Variants in PDHA1 observed in about 807,000 individuals in gnomAD.
The protein encoded by PDHA1 is pyruvate dehydrogenase E1 subunit alpha 1, also known as pyruvate dehydrogenase E1 component subunit alpha, somatic form, mitochondrial.
A neutral mutation model predicts 33.0 loss-of-function variants in PDHA1; 1 was observed. The observed-to-expected ratio is 0.03, with a 90% CI of 0.01 to 0.14. The LOEUF (loss-of-function observed/expected upper bound fraction) is 0.14, where lower values mean the gene tolerates loss of function less well. Among genes scored for constraint, PDHA1 ranks in the 10% least tolerant of loss-of-function variants. The pLI, the probability that PDHA1 is intolerant of heterozygous loss-of-function variation, is 1.00. For missense variants in PDHA1, 168 were observed against 325.1 expected (o/e 0.52, Z 3.72); for synonymous variants, 123 against 119.2 (o/e 1.03, Z -0.21).
Position 19,359,148 on chromosome X carries a change from C to CATAG in PDHA1, c.1008+125_1008+128dup, listed in dbSNP as rs750578475. ...TGATGTCCTGGGACATAAATAGTTC[C>CATAG]ATAGTTCCAAAGTCCCTTGGGGTGG... On this transcript the variant is annotated intron_variant, in intron 10 of 10. Coordinates refer to ENST00000422285, the MANE Select transcript of PDHA1 (RefSeq NM_000284.4). 1.4e-3 allele frequency: 713 copies of CATAG among 515,463 alleles called. 3 individuals are homozygous for CATAG. The African/African-American group carries it at 0.014, about 10-fold the overall frequency. The allele number at this position is 515,463 out of a possible 1,213,427, so 42.5% of individuals were successfully genotyped here.
At position 19,361,554 on chromosome X, in the gene PDHA1, G is replaced by A; in HGVS notation, c.*1901G>A. ...CAACCAGTCTATAAGCTCTTTATCT[G>A]TTCTCTGCCCGTAGGGGCCTGCTGG... On this transcript the variant is annotated 3_prime_UTR_variant, in exon 11 of 11. Coordinates refer to ENST00000422285, the MANE Select transcript of PDHA1 (RefSeq NM_000284.4). The A allele has an allele frequency of 1.7e-6, 2 of 1,211,050 alleles. No homozygotes were observed. Among genetic ancestry groups the A allele is most frequent in the Non-Finnish European group, 1.1e-6 (1 of 894,811 alleles).
At chrX:19,355,219 C>T in intron 6 of PDHA1, 130 bp from the exon 7 acceptor site, 3 of 794,927 alleles carry the variant, frequency 3.8e-6, no homozygotes, top group East Asian at 3.2e-5. Context: ...CCACCCAAAG[C>T]TCGGTTTTAG....
At chrX:19,349,211 T>C in intron 1 of PDHA1, 101 bp from the exon 2 acceptor site, 1 of 594,485 alleles carries the variant, frequency 1.7e-6, no homozygotes, top group Non-Finnish European at 2.9e-6. Flanking sequence ...TTGGGGCTTA[T>C]TAAATTTCCA....
Position 19,359,801 on chromosome X carries a change from A to G in PDHA1, c.*148A>G, listed in dbSNP as rs1275136315. The G allele has an allele frequency of 2.4e-5, 13 of 536,465 alleles. No individual in the cohort carries two copies. The Admixed American group carries it at 3.2e-4, about 13-fold the overall frequency. The allele number at this position is 536,465 out of a possible 1,213,427, so 44.2% of individuals were successfully genotyped here. On this transcript the variant is annotated 3_prime_UTR_variant, in exon 11 of 11. Coordinates refer to ENST00000422285, the MANE Select transcript of PDHA1 (RefSeq NM_000284.4). ...TGTAGATTGAGCAGGTAGTAATTGC[A>G]TGCAGTTTGTACATTAGTGCATTAA...
intron 4 of PDHA1, among the ~76,000 whole-genome samples, chrX:19,351,931 T>G (rs1016250623): frequency 1.8e-5 from 2 of 108,164 alleles, no homozygotes; most frequent in Non-Finnish European, 3.8e-5. Flanking sequence ...CCTGAGTAGC[T>G]GGGACTACAG....
chrX:19,359,135 A>G (rs1016618307), intron 10 of PDHA1, 111 bp downstream of exon 10: 2 of 531,887 alleles, frequency 3.8e-6, no homozygotes, highest in African/African-American at 4.7e-5. Flanking sequence ...ATGTCCTGGG[A>G]CATAAATAGT....
chrX:19,350,154 A>C, intron 3 of PDHA1, 44 bp downstream of exon 3: 2 of 973,905 alleles, frequency 2.1e-6, no homozygotes, highest in Non-Finnish European at 3.0e-6. Context: ...TTAGGTACTG[A>C]AGTATGGCTT....
intron 8 of PDHA1, among the ~76,000 whole-genome samples, chrX:19,356,719 T>C (rs887465505): frequency 5.6e-5 from 5 of 88,746 alleles, no homozygotes; most frequent in Non-Finnish European, 9.6e-5. Context: ...CCCAAACAGA[T>C]AACCTTCACA....
intron 1 of PDHA1, chrX:19,345,753 C>CCG (rs1555932617): frequency 3.7e-6 from 1 of 268,374 alleles, no homozygotes; most frequent in African/African-American, 3.2e-5. Flanking sequence ...GGTCCCCCCC[C>CCG]CCCCGCCACC....
chrX:19,346,496 T>C, intron 1 of PDHA1: 1 of 447,843 alleles, frequency 2.2e-6, no homozygotes, highest in Non-Finnish European at 3.9e-6. Flanking sequence ...TTAAAAAAAT[T>C]TTTTTTTTAC....
intron 10 of PDHA1, 62 bp downstream of exon 10, chrX:19,359,086 C>T: frequency 1.5e-6 from 1 of 682,587 alleles, no homozygotes; most frequent in Non-Finnish European, 2.4e-6. Flanking sequence ...CCCTGGGTGG[C>T]CACAGAGTTT....
rs1555934843 is a variant in PDHA1 at position 19,357,651 on chromosome X, G to A, written c.832-1G>A. ...CTAACTGCCTACCGGTTCTGTTTTAGGGGCCCATCCTGATGGAGCTGCAGA... is the reference window on the plus strand; with the variant it reads ...CTAACTGCCTACCGGTTCTGTTTTAAGGGCCCATCCTGATGGAGCTGCAGA... On this transcript the variant is annotated splice_acceptor_variant, in intron 8 of 10. Coordinates refer to ENST00000422285, the MANE Select transcript of PDHA1 (RefSeq NM_000284.4). LOFTEE classifies it high-confidence loss of function. 8.3e-7 allele frequency: 1 copy of A among 1,207,659 alleles called. No individual in the cohort carries two copies. The highest frequency in any genetic ancestry group is 1.1e-6 in the Non-Finnish European group (1 of 891,673).
chrX:19,353,216 T>A (rs1456587001), intron 5 of PDHA1, 43 bp downstream of exon 5: 1 of 1,064,738 alleles, frequency 9.4e-7, no homozygotes, highest in Non-Finnish European at 1.3e-6. Flanking sequence ...GATTTGGCCC[T>A]GGACTTTGTC....
intron 4 of PDHA1, 177 bp from the exon 5 acceptor site, chrX:19,352,905 G>C: frequency 5.9e-6 from 3 of 510,522 alleles, no homozygotes; most frequent in Non-Finnish European, 1.1e-5. Flanking sequence ...TGAAGCACAT[G>C]GAACTAGTGA....
Position 19,359,140 on chromosome X carries a change from AATAGTTCC to A in PDHA1, c.1008+126_1008+133del, listed in dbSNP as rs761758246. 130 of 526,078 alleles carry A rather than the reference AATAGTTCC, an allele frequency of 2.5e-4. 2 individuals are homozygous for A. The Middle Eastern group carries it at 0.011, about 46-fold the overall frequency. 43.4% of individuals were successfully genotyped at this position (526,078 alleles called of 1,213,427 possible). On this transcript the variant is annotated intron_variant, in intron 10 of 10. Coordinates refer to ENST00000422285, the MANE Select transcript of PDHA1 (RefSeq NM_000284.4). ...CCAGAAAGTGATGTCCTGGGACATAAATAGTTCCATAGTTCCAAAGTCCCTTGGGGTGG... is the reference window on the plus strand; with the variant it reads ...CCAGAAAGTGATGTCCTGGGACATAAATAGTTCCAAAGTCCCTTGGGGTGG...
intron 4 of PDHA1, among the ~76,000 whole-genome samples, chrX:19,351,853 C>T (rs1389761165): frequency 2.2e-5 from 2 of 89,534 alleles, no homozygotes; most frequent in East Asian, 6.7e-4. Flanking sequence ...GGCTGGTGTG[C>T]AGTGGTGTGA....
chrX:19,361,605 G>A lies in PDHA1; in HGVS notation c.*1952G>A. The A allele has an allele frequency of 1.8e-6, 2 of 1,133,774 alleles. No individual in the cohort carries two copies. Among genetic ancestry groups the A allele is most frequent in the Non-Finnish European group, 2.4e-6 (2 of 829,418 alleles). The allele number at this position is 1,133,774 out of a possible 1,213,427, so 93.4% of individuals were successfully genotyped here. A position where few individuals can be genotyped will look rare whatever the true frequency, so the allele number is the denominator to read the frequency against. ...GTTCTCTGTAATACCTGTAACGATT[G>A]GCAATTTGTTATATATTAGTCTAAC... On this transcript the variant is annotated 3_prime_UTR_variant, in exon 11 of 11. Transcript: ENST00000422285.
In PDHA1 at chrX:19,360,613, C is replaced by CT. The variant is rs775731731; in HGVS notation, c.*960_*961insT. ...AAGAAACTCAGGACAGTATTTAAAA[C>CT]AAGTTCTTAAACTATTAATTGAACA... is the stretch of plus-strand genomic sequence containing the variant. On this transcript the variant is annotated 3_prime_UTR_variant, in exon 11 of 11. Transcript: ENST00000422285. 4.5e-4 allele frequency: 219 copies of CT among 481,415 alleles called. 3 individuals are homozygous for CT. The South Asian group carries it at 6.7e-3, about 15-fold the overall frequency. 39.7% of individuals were successfully genotyped at this position (481,415 alleles called of 1,213,427 possible). A position where few individuals can be genotyped will look rare whatever the true frequency, so the allele number is the denominator to read the frequency against.
At chrX:19,346,459 G>A in intron 1 of PDHA1, 1 of 396,526 alleles carries the variant, frequency 2.5e-6, no homozygotes, top group South Asian at 5.1e-5. Flanking sequence ...GGGAACACAG[G>A]CATGTGCCAC....
Sources: allele counts gnomAD v4.1 joint callset (sites outside exome capture counted in the v4.1 genomes callset), GRCh38; gene constraint gnomAD v4.1.1; transcripts MANE v1.5; gene names NCBI Gene and HGNC (gene_info 2026-07-23, HGNC 2026-07-21).